The following CNTNAP2 variants were observed in gnomAD, a reference collection of about 807,000 sequenced individuals.
CNTNAP2 encodes contactin associated protein 2, also known as contactin-associated protein-like 2.
CNTNAP2 carries 98 observed loss-of-function variants against 155.2 expected under a neutral mutation model. The ratio of observed to expected loss-of-function variants is 0.63; its 90% CI spans 0.54 to 0.75. The LOEUF is 0.75. CNTNAP2 is among the 30% of genes least tolerant of loss of function. The probability of loss-of-function intolerance (pLI) is 0.00; values close to 1 mark genes in which losing one functional copy is unlikely to be tolerated. For missense variants in CNTNAP2, 1,727 were observed against 1,688.1 expected, an observed-to-expected ratio of 1.02 and a Z score of -0.40; for synonymous variants, 651 against 631.2, an observed-to-expected ratio of 1.03 and a Z score of -0.47.
Position 147,016,964 on chromosome 7 carries a change from T to C in CNTNAP2, c.403-26943T>C, listed in dbSNP as rs998475129. On this transcript the variant is annotated intron_variant, in intron 3 of 23. Transcript: ENST00000361727. Reference sequence around the variant, plus strand: ...AAACTACTGAAGGAAGAGAGATTGATGATTTGGGATGCTTGAGAAAAATTT... The same window carrying C: ...AAACTACTGAAGGAAGAGAGATTGACGATTTGGGATGCTTGAGAAAAATTT... Among the ~76,000 whole-genome samples the C allele has an allele frequency of 2.0e-5, 3 of 151,716 alleles. No homozygotes were observed. The South Asian group carries it at 6.2e-4, about 31-fold the overall frequency.
chr7:146,145,047 T>C (rs777922762), intron 1 of CNTNAP2, among the ~76,000 whole-genome samples: 3 of 152,168 alleles, frequency 2.0e-5, no homozygotes, highest in African/African-American at 7.2e-5. Context: ...GAATTTGGAC[T>C]GGTCAGATAC....
In CNTNAP2 at chr7:146,368,474, G is replaced by A. The variant is rs114965405; in HGVS notation, c.97+251501G>A. On this transcript the variant is annotated intron_variant, in intron 1 of 23. Transcript: ENST00000361727. ...GGTACCACAAGGTCTAGTGTTTAGAGCTGGCTCTGCCAGTCACTATCCCTT... is the reference window on the plus strand; with the variant it reads ...GGTACCACAAGGTCTAGTGTTTAGAACTGGCTCTGCCAGTCACTATCCCTT... Among the ~76,000 whole-genome samples the A allele has an allele frequency of 6.2e-3, 944 of 152,198 alleles. 9 individuals carry two copies. Among genetic ancestry groups the A allele is most frequent in the African/African-American group, 0.021 (856 of 41,546 alleles).
At chr7:146,154,078 G>A (rs185726055) in intron 1 of CNTNAP2, among the ~76,000 whole-genome samples, 2 of 151,970 alleles carry the variant, frequency 1.3e-5, no homozygotes, top group Admixed American at 1.3e-4. Flanking sequence ...TATGTTTTGA[G>A]TACAGTACAT....
intron 2 of CNTNAP2, among the ~76,000 whole-genome samples, chr7:146,807,714 T>G (rs1802992971): frequency 6.6e-6 from 1 of 151,990 alleles, no homozygotes; most frequent in African/African-American, 2.4e-5. Context: ...TAGTCTTCTC[T>G]CCTTTGTCTC....
intron 1 of CNTNAP2, among the ~76,000 whole-genome samples, chr7:146,579,676 A>G (rs933611209): frequency 1.3e-5 from 2 of 152,104 alleles, no homozygotes; most frequent in African/African-American, 4.8e-5. Context: ...TTCCAGGAAA[A>G]GACTAAAAAT....
At chr7:148,106,519 T>TATATATATATATATATATACAC (rs1491129840) in intron 15 of CNTNAP2, among the ~76,000 whole-genome samples, 6 of 130,864 alleles carry the variant, frequency 4.6e-5, no homozygotes, top group African/African-American at 1.6e-4. Context: ...TATATATATA[T>TATATATATATATATATATACAC]ACATATTTTT....
At position 146,786,548 on chromosome 7, in the gene CNTNAP2, A is replaced by G. The variant is rs193240910; in HGVS notation, c.208+12167A>G. On this transcript the variant is annotated intron_variant, in intron 2 of 23. Coordinates refer to ENST00000361727, the MANE Select transcript of CNTNAP2 (RefSeq NM_014141.6). ...CTTTTCTATACACCAAGAATGAGCA[A>G]TCAACATTGTTTACTCATCCTCTTG... is the stretch of plus-strand genomic sequence containing the variant. Among the ~76,000 whole-genome samples, 521 of 152,332 alleles carry G rather than the reference A, an allele frequency of 3.4e-3. 6 individuals are homozygous for G. The highest frequency in any genetic ancestry group is 0.012 in the African/African-American group (490 of 41,568).
At chr7:148,123,949 A>C (rs566464086) in intron 16 of CNTNAP2, among the ~76,000 whole-genome samples, 50 of 152,338 alleles carry the variant, frequency 3.3e-4, no homozygotes, top group African/African-American at 1.2e-3. Flanking sequence ...ACGGTCAAAA[A>C]GTCAGGTATC....
At position 146,676,513 on chromosome 7, in the gene CNTNAP2, G is replaced by T. The variant is rs546156326; in HGVS notation, c.98-97758G>T. Among the ~76,000 whole-genome samples, 3 of 151,974 alleles carry T rather than the reference G, an allele frequency of 2.0e-5. No homozygotes were observed. In the South Asian group the frequency reaches 6.2e-4, roughly 32 times the overall value. ...AGTATATGTGCGGGTTTGTAAACAT[G>T]TGTATATTAAGTGATGTGGAGGTTT... On this transcript the variant is annotated intron_variant, in intron 1 of 23. Coordinates refer to ENST00000361727, the MANE Select transcript of CNTNAP2 (RefSeq NM_014141.6).
chr7:147,449,052 G>C (rs545137789), intron 10 of CNTNAP2, among the ~76,000 whole-genome samples: 1 of 152,068 alleles, frequency 6.6e-6, no homozygotes, highest in Non-Finnish European at 1.5e-5. Context: ...TTAACCAAAG[G>C]CACTTTTCCT....
intron 4 of CNTNAP2, among the ~76,000 whole-genome samples, chr7:147,047,508 G>A (rs928064404): frequency 6.6e-6 from 1 of 151,778 alleles, no homozygotes; most frequent in Admixed American, 6.6e-5. Context: ...CATCTATATA[G>A]CAATCATCTG....
intron 1 of CNTNAP2, among the ~76,000 whole-genome samples, chr7:146,306,259 C>T (rs1470855292): frequency 6.6e-6 from 1 of 152,066 alleles, no homozygotes; most frequent in East Asian, 1.9e-4. Context: ...TAATTAATAG[C>T]CTACCAACCA....
intron 13 of CNTNAP2, among the ~76,000 whole-genome samples, chr7:147,730,584 T>A (rs896368710): frequency 2.0e-5 from 3 of 152,052 alleles, no homozygotes; most frequent in Non-Finnish European, 2.9e-5. Flanking sequence ...CGACCAGCCA[T>A]TACCCCATCT....
chr7:146,565,164 C>T (rs879559988), intron 1 of CNTNAP2, among the ~76,000 whole-genome samples: 17 of 151,836 alleles, frequency 1.1e-4, no homozygotes, highest in South Asian at 2.1e-4. Flanking sequence ...CACACACACA[C>T]GACATTAAGG....
At chr7:148,186,003 A>G (rs1303811603) in intron 18 of CNTNAP2, among the ~76,000 whole-genome samples, 1 of 152,228 alleles carries the variant, frequency 6.6e-6, no homozygotes, top group East Asian at 1.9e-4. Flanking sequence ...GGACTATTCC[A>G]AAAGACTTTT....
At chr7:147,662,637 G>T (rs59050274) in intron 13 of CNTNAP2, among the ~76,000 whole-genome samples, 7,630 of 152,192 alleles carry the variant, frequency 0.05, 634 homozygotes, top group African/African-American at 0.17. Context: ...TTAAGAATTT[G>T]GTTGTAGGAA....
chr7:146,610,366 T>C (rs1256360879), intron 1 of CNTNAP2, among the ~76,000 whole-genome samples: 1 of 152,152 alleles, frequency 6.6e-6, no homozygotes. Flanking sequence ...ATTTGACAGG[T>C]AAGGAGAACC....
chr7:148,271,275 A>G (rs183882995), intron 21 of CNTNAP2, among the ~76,000 whole-genome samples: 1 of 152,358 alleles, frequency 6.6e-6, no homozygotes, highest in East Asian at 1.9e-4. Flanking sequence ...GGGTTTCCCA[A>G]CAGCAGAACT....
At chr7:147,485,113 G>A (rs1798488198) in intron 10 of CNTNAP2, among the ~76,000 whole-genome samples, 1 of 152,156 alleles carries the variant, frequency 6.6e-6, no homozygotes, top group African/African-American at 2.4e-5. Flanking sequence ...CTGAGGTACA[G>A]TAAAGCTGTG....
Sources: allele counts gnomAD v4.1 joint callset (sites outside exome capture counted in the v4.1 genomes callset), GRCh38; gene constraint gnomAD v4.1.1; transcripts MANE v1.5; gene names NCBI Gene and HGNC (gene_info 2026-07-23, HGNC 2026-07-21).